The following SPTBN2 variants were observed in gnomAD, a reference collection of about 807,000 sequenced individuals.
SPTBN2 encodes spectrin beta, non-erythrocytic 2.
Under a neutral mutation model 284.2 loss-of-function variants are expected in SPTBN2, and 107 were observed. The observed-to-expected ratio is 0.38, with a 90% CI of 0.32 to 0.44. The LOEUF (loss-of-function observed/expected upper bound fraction) is 0.44. SPTBN2 is among the 20% of genes least tolerant of loss of function. SPTBN2 has a pLI of 1.00. For missense variants in SPTBN2, 2,569 were observed against 3,287.1 expected (o/e 0.78, Z 5.34); for synonymous variants, 1,289 against 1,354.8 (o/e 0.95, Z 1.07).
At chr11:66,732,135 T>C (rs1355918531), upstream of SPTBN2, among the ~76,000 whole-genome samples, 1 of 152,206 alleles carries the variant, frequency 6.6e-6, no homozygotes, top group Non-Finnish European at 1.5e-5. Flanking sequence ...TAACATTTCA[T>C]TTAATCCTTT....
chr11:66,697,266 C>G (rs1332793570), intron 20 of SPTBN2, among the ~76,000 whole-genome samples: 1 of 152,134 alleles, frequency 6.6e-6, no homozygotes, highest in African/African-American at 2.4e-5. Context: ...GGACACCTCC[C>G]TAGAATCACT....
At chr11:66,697,497 T>C (rs150643402) in intron 20 of SPTBN2, among the ~76,000 whole-genome samples, 3 of 152,270 alleles carry the variant, frequency 2.0e-5, no homozygotes, top group African/African-American at 7.2e-5. Context: ...CTGCACACAT[T>C]CTGTGCTGCT....
At chr11:66,741,048 T>G (rs555359794) in intron 1 of SPTBN2, among the ~76,000 whole-genome samples, 1 of 152,150 alleles carries the variant, frequency 6.6e-6, no homozygotes, top group Non-Finnish European at 1.5e-5. Flanking sequence ...GCTCTTCTTA[T>G]AGGGGGGCAG....
Position 66,684,272 on chromosome 11 carries a change from A to G in SPTBN2, c.*1599T>C, listed in dbSNP as rs1939967862. On this transcript the variant is annotated 3_prime_UTR_variant, in exon 38 of 38. Coordinates refer to ENST00000533211, the MANE Select transcript of SPTBN2 (RefSeq NM_006946.4). ...ATCTGGAGACAAACACTGTGCCCTGAAAGCTCCGATTGCCAAACCAGAGAC... is the reference window on the plus strand; with the variant it reads ...ATCTGGAGACAAACACTGTGCCCTGGAAGCTCCGATTGCCAAACCAGAGAC... 6.6e-6 allele frequency among the ~76,000 whole-genome samples: 1 copy of G among 152,216 alleles called. No homozygotes were observed. Among genetic ancestry groups the G allele is most frequent in the Admixed American group, 6.5e-5 (1 of 15,278 alleles).
intron 1 of SPTBN2, among the ~76,000 whole-genome samples, chr11:66,722,892 C>CA (rs1293210992): frequency 0.12 from 6,717 of 54,548 alleles, 330 homozygotes; most frequent in East Asian, 0.23. Flanking sequence ...GATTCTGCCT[C>CA]AAAAAAAAAA....
chr11:66,727,254 C>T (rs1173197805), intron 1 of SPTBN2, among the ~76,000 whole-genome samples: 1 of 152,180 alleles, frequency 6.6e-6, no homozygotes, highest in Non-Finnish European at 1.5e-5. Context: ...ACTCACTCTG[C>T]CCCTCTTCAC....
At position 66,707,379 on chromosome 11, in the gene SPTBN2, T is replaced by C. The variant is rs138782438; in HGVS notation, c.1653+137A>G. On this transcript the variant is annotated intron_variant, in intron 13 of 37. Transcript: ENST00000533211. This position sits in a 1 kb window ranked among gnomAD's most constrained non-coding sequence, Gnocchi z 4.9. ...GTGGACAGGGCCCTGTTTACTTTGTTCCCTGCAACTGGGGACAGGGCCCTG... is the reference window on the plus strand; with the variant it reads ...GTGGACAGGGCCCTGTTTACTTTGTCCCCTGCAACTGGGGACAGGGCCCTG... 5.5e-6 allele frequency: 5 copies of C among 910,644 alleles called. No homozygotes were observed. The highest frequency in any genetic ancestry group is 1.7e-5 in the African/African-American group (1 of 60,158). The allele number at this position is 910,644 out of a possible 1,614,324, so 56.4% of individuals were successfully genotyped here.
chr11:66,728,328 C>CG (rs1942713204), intron 1 of SPTBN2: 2 of 144,690 alleles, frequency 1.4e-5, no homozygotes. Context: ...GGGGGGCGCG[C>CG]GGGGCGGGCG....
At position 66,701,053 on chromosome 11, in the gene SPTBN2, C is replaced by T. The variant is rs752024042; in HGVS notation, c.3046G>A (p.Gly1016Ser). ...GCATTTGCCTCTCGAGTCAGTTCGCCCACCCGGGCGGCGATGGCCTCCAGG... is the reference window on the plus strand; with the variant it reads ...GCATTTGCCTCTCGAGTCAGTTCGCTCACCCGGGCGGCGATGGCCTCCAGG... Reference protein sequence around the residue: ...RDLEAIAARVGELTREANALA... With the variant: ...RDLEAIAARVSELTREANALA... The change falls in exon 17 of 38, where the codon GGC becomes AGC. Residue 1016 changes from glycine to serine, a missense_variant. Coordinates refer to ENST00000533211, the MANE Select transcript of SPTBN2 (RefSeq NM_006946.4). The T allele has an allele frequency of 4.3e-6, 7 of 1,610,082 alleles. No homozygotes were observed. The highest frequency in any genetic ancestry group is 8.5e-7 in the Non-Finnish European group (1 of 1,179,832).
rs1321356913 is a variant in SPTBN2, at chr11:66,708,429, G to A, written c.1192-130C>T. On this transcript the variant is annotated intron_variant, in intron 11 of 37. Transcript: ENST00000533211. The surrounding 1 kb of genome is among the most constrained non-coding windows in gnomAD (Gnocchi z 4.4). ...GGAATGCAGTGGGTGAGACGCCTGG[G>A]CGTGGAAACAGGAAACAGGGCAGCG... The A allele has an allele frequency of 2.0e-6, 2 of 981,746 alleles. No individual in the cohort carries two copies. Among genetic ancestry groups the A allele is most frequent in the East Asian group, 2.7e-5 (1 of 37,658 alleles). 60.8% of individuals were successfully genotyped at this position (981,746 alleles called of 1,614,324 possible). A position where few individuals can be genotyped will look rare whatever the true frequency, so the allele number is the denominator to read the frequency against.
At chr11:66,736,257 T>C (rs530077086) in intron 1 of SPTBN2, among the ~76,000 whole-genome samples, 17 of 152,326 alleles carry the variant, frequency 1.1e-4, no homozygotes, top group Middle Eastern at 3.4e-3. Context: ...AGCTGAGCGA[T>C]GCTGTGAGTG....
rs368916464 is a variant in SPTBN2 at position 66,689,810 on chromosome 11, C to T, written c.5944G>A (p.Glu1982Lys). The change falls in exon 29 of 38, where the codon GAG (glutamate) becomes AAG (lysine). Residue 1982 changes from glutamate to lysine, a missense_variant. This residue lies in a region of SPTBN2 where 1,130 missense variants were observed against 1,317.3 expected (regional missense o/e 0.86). Coordinates refer to ENST00000533211, the MANE Select transcript of SPTBN2 (RefSeq NM_006946.4). ...ELLARSHYAA[E>K]EISEKLSQLQ... ...GCCACCCAGGCCTCACCCACCTCCT[C>T]GGCCGCATAGTGGCTCCTGGCCAGC... 1.1e-5 allele frequency: 18 copies of T among 1,613,604 alleles called. No individual in the cohort carries two copies. The highest frequency in any genetic ancestry group is 1.7e-4 in the Middle Eastern group (1 of 5,816).
intron 1 of SPTBN2, among the ~76,000 whole-genome samples, chr11:66,734,859 G>T (rs928641837): frequency 1.3e-5 from 2 of 152,192 alleles, no homozygotes; most frequent in African/African-American, 4.8e-5. Flanking sequence ...CATATCAAAT[G>T]ATGTATTTCC....
At position 66,710,997 on chromosome 11, in the gene SPTBN2, T is replaced by C. The variant is rs146831914; in HGVS notation, c.805A>G (p.Ile269Val). The C allele has an allele frequency of 6.2e-5, 100 of 1,614,090 alleles. 1 individual carries two copies. The highest frequency in any genetic ancestry group is 1.2e-4 in the South Asian group (11 of 91,084). ...VNVDQPDEKS[I>V]ITYVATYYHY... ...TAGTAAGTAGCCACATAGGTAATGATTGACTTCTCATCTGGCTGGTCCACA... is the reference window on the plus strand; with the variant it reads ...TAGTAAGTAGCCACATAGGTAATGACTGACTTCTCATCTGGCTGGTCCACA... Residue 269 changes from isoleucine (I) to valine (V), a missense_variant, in exon 9 of 38, where the codon ATC becomes GTC. This residue lies in a region of SPTBN2 where 304 missense variants were observed against 522.1 expected (regional missense o/e 0.58). Coordinates refer to ENST00000533211, the MANE Select transcript of SPTBN2 (RefSeq NM_006946.4). The surrounding 1 kb of genome is among the most constrained non-coding windows in gnomAD (Gnocchi z 4.9).
intron 1 of SPTBN2, among the ~76,000 whole-genome samples, chr11:66,727,186 G>A (rs149398821): frequency 2.0e-4 from 31 of 152,254 alleles, no homozygotes; most frequent in African/African-American, 7.0e-4. Flanking sequence ...CCAATCCTTT[G>A]CCTTTCTGAA....
At chr11:66,686,489 C>T in intron 36 of SPTBN2, 49 bp from the exon 37 acceptor site, 5 of 1,606,976 alleles carry the variant, frequency 3.1e-6, no homozygotes, top group African/African-American at 2.7e-5. Flanking sequence ...CCGGATCTGC[C>T]AGGTAGCTGC....
At chr11:66,744,214 A>T (rs1156452147) in intron 1 of SPTBN2, among the ~76,000 whole-genome samples, 1 of 152,206 alleles carries the variant, frequency 6.6e-6, no homozygotes, top group African/African-American at 2.4e-5. Flanking sequence ...TGTCCCAAAA[A>T]TTGCCGAGAT....
intron 1 of SPTBN2, among the ~76,000 whole-genome samples, chr11:66,740,329 T>A (rs1293182234): frequency 6.6e-6 from 1 of 152,108 alleles, no homozygotes; most frequent in African/African-American, 2.4e-5. Flanking sequence ...GAAAAGAATC[T>A]CTCTTTTCCC....
chr11:66,734,603 C>T (rs1030421666), intron 1 of SPTBN2, among the ~76,000 whole-genome samples: 1 of 152,174 alleles, frequency 6.6e-6, no homozygotes, highest in Non-Finnish European at 1.5e-5. Context: ...TCTGGAAAGC[C>T]CTCCTTGAGC....
Sources: gnomAD v4.1 joint callset for allele counts (sites outside exome capture counted in the v4.1 genomes callset) on GRCh38, gnomAD v4.1.1 for gene constraint, gnomAD v4.1.1 regional missense constraint, Gnocchi (gnomAD v3.1) non-coding constraint, MANE v1.5 for transcripts, NCBI Gene and HGNC (gene_info 2026-07-23, HGNC 2026-07-21) for gene names.